Variants in RNF6 observed in about 807,000 individuals in gnomAD.
The protein encoded by RNF6 is ring finger protein 6.
A neutral mutation model predicts 50.1 loss-of-function variants in RNF6; 21 were observed. That is an observed-to-expected ratio of 0.42 (90% confidence interval 0.30 to 0.60). RNF6 has a LOEUF of 0.60. Among genes scored for constraint, RNF6 ranks in the 20% least tolerant of loss-of-function variants. The pLI is 0.20. For synonymous variants in RNF6, 255 were observed against 291.8 expected (o/e 0.87, Z 1.29); for missense variants, 698 against 838.2 (o/e 0.83, Z 2.07).
intron 5 of RNF6, among the ~76,000 whole-genome samples, chr13:26,155,864 C>T (rs755463823): frequency 3.3e-4 from 50 of 152,050 alleles, no homozygotes; most frequent in Non-Finnish European, 5.4e-4. Flanking sequence ...GTTTAAGGGG[C>T]GGACAGGGCA....
Position 26,214,529 on chromosome 13 carries a change from T to C in RNF6, c.1353A>G (p.Ser451=), listed in dbSNP as rs1486887405. The stretch of plus-strand genomic sequence containing the variant: ...TGGTACTAACATAGGTTCGAATACC[T>C]GACCGCTCTAAACGAGAAATGGTTC... The part of the protein sequence containing the change: ...FRRTISRLER[S]GIRTYVSTIT... Residue 451 remains serine (S), a synonymous_variant, in exon 5 of 5, where the codon TCA becomes TCG. Coordinates refer to ENST00000381588, the MANE Select transcript of RNF6 (RefSeq NM_005977.4). 1 of 1,614,056 alleles carries C rather than the reference T, an allele frequency of 6.2e-7. No homozygotes were observed. Among genetic ancestry groups the C allele is most frequent in the Non-Finnish European group, 8.5e-7 (1 of 1,180,046 alleles).
At chr13:26,202,630 A>T (rs200357606) in intron 5 of RNF6, among the ~76,000 whole-genome samples, 1,709 of 97,686 alleles carry the variant, frequency 0.017, 17 homozygotes, top group African/African-American at 0.042. Flanking sequence ...AAATAAATTT[A>T]AAAAAAATAC....
intron 5 of RNF6, among the ~76,000 whole-genome samples, chr13:26,207,550 T>C (rs1447323663): frequency 1.3e-5 from 2 of 152,202 alleles, no homozygotes; most frequent in African/African-American, 4.8e-5. Context: ...GGTTGATTCA[T>C]TGGGTAGGAG....
Position 26,144,432 on chromosome 13 carries a change from A to G in RNF6, n.769-11981T>C, listed in dbSNP as rs1439840960. 4.0e-5 allele frequency among the ~76,000 whole-genome samples: 6 copies of G among 151,510 alleles called. No homozygotes were observed. The East Asian group carries it at 7.8e-4, about 20-fold the overall frequency. On this transcript the variant is annotated intron_variant and non_coding_transcript_variant, in intron 5 of 5. Transcript: ENST00000468480. ...GGTCTACCCACATACCTCTTCTCCA[A>G]ATTTCCCTGTCACCAATTTTCCAAT...
At chr13:26,199,256 T>C (rs1868800832) in intron 5 of RNF6, among the ~76,000 whole-genome samples, 2 of 152,180 alleles carry the variant, frequency 1.3e-5, no homozygotes, top group Non-Finnish European at 2.9e-5. Flanking sequence ...TAATTTTCAC[T>C]GAAGAAATTC....
At chr13:26,181,685 G>A (rs1873250656) in intron 5 of RNF6, among the ~76,000 whole-genome samples, 1 of 152,132 alleles carries the variant, frequency 6.6e-6, no homozygotes, top group Non-Finnish European at 1.5e-5. Flanking sequence ...AAGACCAAGG[G>A]GATTCCTCTT....
At chr13:26,167,870 A>G (rs1872524118) in intron 5 of RNF6, among the ~76,000 whole-genome samples, 1 of 152,238 alleles carries the variant, frequency 6.6e-6, no homozygotes, top group Admixed American at 6.5e-5. Flanking sequence ...CAGCCATAAA[A>G]AAGAATAAGA....
chr13:26,141,125 T>A (rs117192041), intron 5 of RNF6, among the ~76,000 whole-genome samples: 2,784 of 152,178 alleles, frequency 0.018, 40 homozygotes, highest in Non-Finnish European at 0.027. Flanking sequence ...TAGAAAAAAC[T>A]ATTCTAAAAT....
Position 26,218,713 on chromosome 13 carries a change from T to C in RNF6, c.194-107A>G, listed in dbSNP as rs1042850148. On this transcript the variant is annotated intron_variant, in intron 3 of 4. Coordinates refer to ENST00000381588, the MANE Select transcript of RNF6 (RefSeq NM_005977.4). ...TAACCTATAGAAGACAAATGTCTTA[T>C]TACTTTCATATGTTCTGTAAATTGA... is the stretch of plus-strand genomic sequence containing the variant. 7.7e-6 allele frequency: 6 copies of C among 779,468 alleles called. No individual in the cohort carries two copies. In the African/African-American group the frequency reaches 1.0e-4, roughly 14 times the overall value. 48.3% of individuals were successfully genotyped at this position (779,468 alleles called of 1,614,324 possible).
At chr13:26,133,698 G>T (rs1245982263) in intron 5 of RNF6, among the ~76,000 whole-genome samples, 1 of 151,884 alleles carries the variant, frequency 6.6e-6, no homozygotes. Context: ...CTATTTCTTT[G>T]CTGGGATTTT....
Position 26,215,492 on chromosome 13 carries a change from C to T in RNF6, c.390G>A (p.Gly130=), listed in dbSNP as rs755053001. ...TGNATRSGQN[G]NQTWRAVSRT... is the part of the protein sequence containing the mutation. ...GACTCACAGCTCTCCAAGTTTGGTTCCCATTTTGTCCACTTCGAGTTGCAT... is the reference window on the plus strand; with the variant it reads ...GACTCACAGCTCTCCAAGTTTGGTTTCCATTTTGTCCACTTCGAGTTGCAT... Residue 130 remains glycine (G), a synonymous_variant, in exon 5 of 5, where the codon GGG becomes GGA. Coordinates refer to ENST00000381588, the MANE Select transcript of RNF6 (RefSeq NM_005977.4). 3 of 1,613,954 alleles carry T rather than the reference C, an allele frequency of 1.9e-6. No homozygotes were observed. Among genetic ancestry groups the T allele is most frequent in the Middle Eastern group, 1.6e-4 (1 of 6,084 alleles).
chr13:26,148,632 T>TCTCTC (rs1427060316), intron 5 of RNF6, among the ~76,000 whole-genome samples: 1 of 47,086 alleles, frequency 2.1e-5, no homozygotes, highest in African/African-American at 1.1e-4. Context: ...ATAAATCTCT[T>TCTCTC]TATATATATA....
Position 26,215,177 on chromosome 13 carries a change from T to G in RNF6, c.705A>C (p.Leu235Phe), listed in dbSNP as rs1869735218. The change falls in exon 5 of 5, where the codon TTA becomes TTC. Residue 235 changes from leucine (L) to phenylalanine (F), a missense_variant. Transcript: ENST00000381588. ...AEGSFSTLGR[L>F]RNGIGGAAGI... ...CAGCTGCTCCCCCAATTCCATTTCT[T>G]AACCTTCCCAATGTTGAGAAAGATC... is the stretch of plus-strand genomic sequence containing the variant. The G allele has an allele frequency of 6.2e-7, 1 of 1,614,096 alleles. No individual in the cohort carries two copies. The highest frequency in any genetic ancestry group is 1.3e-5 in the African/African-American group (1 of 74,936).
chr13:26,211,540 T>C (rs979709885), downstream of RNF6, among the ~76,000 whole-genome samples: 8 of 152,080 alleles, frequency 5.3e-5, no homozygotes, highest in Non-Finnish European at 1.0e-4. Flanking sequence ...GGGCGGATCA[T>C]GAGGTGAGGA....
At chr13:26,135,832 T>C (rs1211984082) in intron 5 of RNF6, among the ~76,000 whole-genome samples, 1 of 152,130 alleles carries the variant, frequency 6.6e-6, no homozygotes, top group Non-Finnish European at 1.5e-5. Context: ...GTTTTCACTC[T>C]ATAATTTCGT....
At position 26,214,035 on chromosome 13, in the gene RNF6, G is replaced by T; in HGVS notation, c.1847C>A (p.Thr616Asn). ...AATACTGTTATGCTCATAGTGCCTG[G>T]TGGAAAGATTGTCAATCTGCTCTTT... Reference protein sequence around the residue: ...LTKEQIDNLSTRHYEHNSIDS... With the variant: ...LTKEQIDNLSNRHYEHNSIDS... Residue 616 changes from threonine to asparagine, a missense_variant, in exon 5 of 5, where the codon ACC (threonine) becomes AAC (asparagine). Coordinates refer to ENST00000381588, the MANE Select transcript of RNF6 (RefSeq NM_005977.4). 1 of 1,614,124 alleles carries T rather than the reference G, an allele frequency of 6.2e-7. No homozygotes were observed. Among genetic ancestry groups the T allele is most frequent in the Non-Finnish European group, 8.5e-7 (1 of 1,180,018 alleles).
At chr13:26,169,030 C>T (rs930407682) in intron 5 of RNF6, among the ~76,000 whole-genome samples, 1 of 152,048 alleles carries the variant, frequency 6.6e-6, no homozygotes, top group African/African-American at 2.4e-5. Context: ...CAAAAAAGCT[C>T]CCAGAAAGAC....
chr13:26,214,953 C>T lies in RNF6; in HGVS notation c.929G>A (p.Arg310Gln), dbSNP rs1869699093. The part of the protein sequence containing the change: ...PIRLRSTSNS[R>Q]SRSPIQRQSG... ...CTGTCTCTGAATTGGTGAACGGCTT[C>T]GACTATTGGAAGTAGATCGTAATCT... Residue 310 changes from arginine to glutamine, a missense_variant, in exon 5 of 5, where the codon CGA (arginine) becomes CAA (glutamine). Arg to Gln is a conservative substitution (Grantham distance 43). Coordinates refer to ENST00000381588, the MANE Select transcript of RNF6 (RefSeq NM_005977.4). 5 of 1,614,174 alleles carry T rather than the reference C, an allele frequency of 3.1e-6. No homozygotes were observed. Among genetic ancestry groups the T allele is most frequent in the South Asian group, 1.1e-5 (1 of 91,082 alleles).
At chr13:26,170,602 T>C (rs2137632046) in intron 5 of RNF6, among the ~76,000 whole-genome samples, 1 of 152,304 alleles carries the variant, frequency 6.6e-6, no homozygotes, top group East Asian at 1.9e-4. Flanking sequence ...TCTCATGAAG[T>C]CAGCTGACCT....
Sources: allele counts gnomAD v4.1 joint callset (sites outside exome capture counted in the v4.1 genomes callset), GRCh38; gene constraint gnomAD v4.1.1; transcripts MANE v1.5; gene names NCBI Gene and HGNC (gene_info 2026-07-23, HGNC 2026-07-21).